Variants in TNFAIP8L3 observed in about 807,000 individuals in gnomAD.
The protein encoded by TNFAIP8L3 is tumor necrosis factor alpha-induced protein 8-like protein 3.
A neutral mutation model predicts 11.8 loss-of-function variants in TNFAIP8L3; 7 were observed. The ratio of observed to expected loss-of-function variants is 0.59; its 90% confidence interval spans 0.34 to 1.11. TNFAIP8L3 has a LOEUF of 1.11. Among genes scored for constraint, TNFAIP8L3 ranks in the 50% most tolerant of loss-of-function variants. The probability of loss-of-function intolerance (pLI) is 0.03; values close to 1 mark genes in which losing one functional copy is unlikely to be tolerated. For missense variants in TNFAIP8L3, 219 were observed against 258.6 expected (o/e 0.85, Z 1.05); for synonymous variants, 98 against 103.8 (o/e 0.94, Z 0.34).
chr15:51,071,349 C>A (rs1297172121), intron 1 of TNFAIP8L3, among the ~76,000 whole-genome samples: 4 of 152,028 alleles, frequency 2.6e-5, no homozygotes, highest in Non-Finnish European at 4.4e-5. Context: ...AGAGGTAAAG[C>A]CCTCTTTGCT....
At chr15:51,060,539 AGCAGGTCAACTACATATGCATCCAGTG>A (rs1356678141) in intron 1 of TNFAIP8L3, among the ~76,000 whole-genome samples, 2 of 152,256 alleles carry the variant, frequency 1.3e-5, no homozygotes, top group Non-Finnish European at 2.9e-5. Flanking sequence ...ACACAGAAGC[AGCAGGTCAACTACATATGCATCCAGTG>A]GCAGGTTGGT....
At chr15:51,101,645 A>G (rs1325121965) in intron 1 of TNFAIP8L3, among the ~76,000 whole-genome samples, 1 of 150,786 alleles carries the variant, frequency 6.6e-6, no homozygotes, top group African/African-American at 2.4e-5. Flanking sequence ...AAAGAAAGAA[A>G]GAAAGACAGA....
intron 1 of TNFAIP8L3, among the ~76,000 whole-genome samples, chr15:51,060,499 ACT>A (rs1016982540): frequency 3.9e-5 from 6 of 152,102 alleles, no homozygotes; most frequent in Non-Finnish European, 7.4e-5. Context: ...AAGTCTTTAG[ACT>A]CTCTAGAAAT....
chr15:51,104,573 G>A (rs979560540), intron 1 of TNFAIP8L3, among the ~76,000 whole-genome samples: 3 of 152,108 alleles, frequency 2.0e-5, no homozygotes, highest in South Asian at 2.1e-4. Context: ...CTGCAGCCTC[G>A]TCCCTGATGA....
At chr15:51,068,544 A>G (rs1261886689) in intron 1 of TNFAIP8L3, among the ~76,000 whole-genome samples, 3 of 152,140 alleles carry the variant, frequency 2.0e-5, no homozygotes, top group African/African-American at 7.2e-5. Flanking sequence ...TCAAAATGCA[A>G]ACACGTCCAT....
intron 1 of TNFAIP8L3, among the ~76,000 whole-genome samples, chr15:51,082,733 T>C (rs1293344290): frequency 6.6e-6 from 1 of 152,130 alleles, no homozygotes; most frequent in Admixed American, 6.5e-5. Context: ...TTCTATTAAT[T>C]TTTTTCTTTT....
At chr15:51,062,182 G>T (rs944773571) in intron 1 of TNFAIP8L3, among the ~76,000 whole-genome samples, 6 of 152,172 alleles carry the variant, frequency 3.9e-5, no homozygotes, top group Non-Finnish European at 8.8e-5. Flanking sequence ...GCTGAGGTGG[G>T]AGGATGGCTT....
chr15:51,090,509 G>C (rs2065460822), intron 1 of TNFAIP8L3, among the ~76,000 whole-genome samples: 1 of 152,170 alleles, frequency 6.6e-6, no homozygotes, highest in African/African-American at 2.4e-5. Flanking sequence ...TACTCGCTTA[G>C]CTTTATCTCC....
intron 1 of TNFAIP8L3, among the ~76,000 whole-genome samples, chr15:51,077,447 T>C (rs930141772): frequency 6.6e-6 from 1 of 151,974 alleles, no homozygotes; most frequent in Non-Finnish European, 1.5e-5. Flanking sequence ...TCAGCGCAGC[T>C]CCTCCCTAAG....
Position 51,058,397 on chromosome 15 carries a change from C to T in TNFAIP8L3, c.99G>A (p.Lys33=), listed in dbSNP as rs199705878. 9.9e-6 allele frequency: 16 copies of T among 1,612,444 alleles called. No individual in the cohort carries two copies. In the African/African-American group the frequency reaches 1.7e-4, roughly 17 times the overall value. ...SSKSLALQAQ[K]KILSKIASKT... ...TGCTGGCTATTTTGCTCAGAATCTT[C>T]TTCTGGGCTTGAAGCGCAAGACTCT... The change falls in exon 2 of 2, where the codon AAG becomes AAA. Residue 33 remains lysine (K), a synonymous_variant. Transcript: ENST00000637513.
chr15:51,095,322 G>A (rs1483571050), upstream of TNFAIP8L3, among the ~76,000 whole-genome samples: 1 of 152,132 alleles, frequency 6.6e-6, no homozygotes, highest in Non-Finnish European at 1.5e-5. Flanking sequence ...GTTGTGGAAA[G>A]TAGTAAGACA....
At chr15:51,099,324 G>A (rs2065534282), upstream of TNFAIP8L3, among the ~76,000 whole-genome samples, 3 of 152,068 alleles carry the variant, frequency 2.0e-5, no homozygotes, top group South Asian at 6.2e-4. Context: ...TTGGCATCCA[G>A]CTGTTCTCCT....
At chr15:51,068,737 G>C (rs1217313075) in intron 1 of TNFAIP8L3, among the ~76,000 whole-genome samples, 4 of 142,258 alleles carry the variant, frequency 2.8e-5, no homozygotes, top group Non-Finnish European at 6.0e-5. Flanking sequence ...CACAATCTCA[G>C]CTCACTGCAA....
chr15:51,095,437 A>G (rs1403470007), upstream of TNFAIP8L3, among the ~76,000 whole-genome samples: 2 of 151,974 alleles, frequency 1.3e-5, no homozygotes, highest in Non-Finnish European at 2.9e-5. Flanking sequence ...CAGCGAGGGC[A>G]GGGCAGGTGG....
At chr15:51,084,150 C>T (rs1297912364) in intron 1 of TNFAIP8L3, among the ~76,000 whole-genome samples, 1 of 151,962 alleles carries the variant, frequency 6.6e-6, no homozygotes, top group African/African-American at 2.4e-5. Context: ...AGATTTCTCC[C>T]CCTCTCCATA....
chr15:51,066,397 C>T (rs1379690917), intron 1 of TNFAIP8L3, among the ~76,000 whole-genome samples: 2 of 152,216 alleles, frequency 1.3e-5, no homozygotes, highest in South Asian at 2.1e-4. Flanking sequence ...CTCCTGACCT[C>T]GTGATCCACC....
intron 1 of TNFAIP8L3, among the ~76,000 whole-genome samples, chr15:51,081,884 T>G (rs1177381370): frequency 6.6e-6 from 1 of 152,176 alleles, no homozygotes; most frequent in African/African-American, 2.4e-5. Context: ...AATTTGCTCC[T>G]GTCTCAATCA....
In TNFAIP8L3 at chr15:51,058,070, C is replaced by T. The variant is rs769591679; in HGVS notation, c.426G>A (p.Lys142=). ...GCTGCACCAGTTCATGCACCAGGTC[C>T]TTGCACTCATGCAGGAGATTGGAGA... is the stretch of plus-strand genomic sequence containing the variant. ...NVLSNLLHEC[K]DLVHELVQRH... is the part of the protein sequence containing the mutation. Residue 142 remains lysine (K), a synonymous_variant, in exon 2 of 2, where the codon AAG becomes AAA. Coordinates refer to ENST00000637513, the MANE Select transcript of TNFAIP8L3 (RefSeq NM_001311175.2). 2 of 1,614,118 alleles carry T rather than the reference C, an allele frequency of 1.2e-6. No individual in the cohort carries two copies. Among genetic ancestry groups the T allele is most frequent in the South Asian group, 2.2e-5 (2 of 91,060 alleles).
Position 51,058,241 on chromosome 15 carries a change from C to A in TNFAIP8L3, c.255G>T (p.Ala85=). The A allele has an allele frequency of 6.2e-7, 1 of 1,614,192 alleles. No homozygotes were observed. The highest frequency in any genetic ancestry group is 2.2e-5 in the East Asian group (1 of 44,886). The change falls in exon 2 of 2, where the codon GCG becomes GCT. Residue 85 remains alanine, a synonymous_variant. Coordinates refer to ENST00000637513, the MANE Select transcript of TNFAIP8L3 (RefSeq NM_001311175.2). ...TCCGGTAGAGGATCCCGATTTTGAT[C>A]GCCACCTTGATTAAGTCTTTCATGA... ...HKIMKDLIKV[A]IKIGILYRNN...
Sources: gnomAD v4.1 joint callset for allele counts (sites outside exome capture counted in the v4.1 genomes callset) on GRCh38, gnomAD v4.1.1 for gene constraint, MANE v1.5 for transcripts, NCBI Gene and HGNC (gene_info 2026-07-23, HGNC 2026-07-21) for gene names.